Variants in SLC30A8 observed in about 807,000 individuals in gnomAD.
SLC30A8 encodes the protein solute carrier family 30 member 8.
Under a neutral mutation model 36.9 loss-of-function variants are expected in SLC30A8, and 27 were observed. That is an observed-to-expected ratio of 0.73 (90% CI 0.54 to 1.01). The LOEUF is 1.01. SLC30A8 is among the 50% of genes least tolerant of loss of function. The probability of loss-of-function intolerance (pLI) is 0.00; values close to 1 mark genes in which losing one functional copy is unlikely to be tolerated. For missense variants in SLC30A8, 439 were observed against 452.0 expected, an observed-to-expected ratio of 0.97 and a Z score of 0.26; for synonymous variants, 164 against 172.4, an observed-to-expected ratio of 0.95 and a Z score of 0.38.
chr8:117,157,788 G>C lies in SLC30A8; in HGVS notation c.516G>C (p.Gln172His). 3 of 1,614,114 alleles carry C rather than the reference G, an allele frequency of 1.9e-6. No homozygotes were observed. Among genetic ancestry groups the C allele is most frequent in the East Asian group, 2.2e-5 (1 of 44,874 alleles). Residue 172 changes from glutamine (Q) to histidine (H), a missense_variant, in exon 4 of 8, where the codon CAG becomes CAC. Transcript: ENST00000456015. ...AGCGCCTGCTGTATCCTGATTACCA[G>C]ATCCAGGCGACTGTGATGATCATCG... ...ACERLLYPDYQIQATVMIIVS... is the reference protein window; with the variant it reads ...ACERLLYPDYHIQATVMIIVS...
chr8:117,165,080 G>A (rs1822991190), intron 6 of SLC30A8, among the ~76,000 whole-genome samples: 1 of 152,200 alleles, frequency 6.6e-6, no homozygotes, highest in Admixed American at 6.5e-5. Context: ...AGCGCAAAGA[G>A]ACACATCATA....
intron 2 of SLC30A8, among the ~76,000 whole-genome samples, chr8:117,080,635 C>T (rs1818643763): frequency 6.6e-6 from 1 of 152,218 alleles, no homozygotes; most frequent in South Asian, 2.1e-4. Flanking sequence ...TGGCCTCCAG[C>T]TGCATCCATG....
At chr8:117,162,887 C>A (rs935270577) in intron 5 of SLC30A8, among the ~76,000 whole-genome samples, 2 of 152,216 alleles carry the variant, frequency 1.3e-5, no homozygotes, top group African/African-American at 4.8e-5. Flanking sequence ...CTTTGGTTCA[C>A]ACCTTTAAGA....
chr8:117,003,175 A>C (rs1039315936), intron 1 of SLC30A8, among the ~76,000 whole-genome samples: 1 of 152,228 alleles, frequency 6.6e-6, no homozygotes, highest in Non-Finnish European at 1.5e-5. Context: ...CAGTAAATGT[A>C]AAACTCAGGC....
intron 2 of SLC30A8, among the ~76,000 whole-genome samples, chr8:117,050,944 T>C (rs2130771906): frequency 6.6e-6 from 1 of 152,344 alleles, no homozygotes; most frequent in South Asian, 2.1e-4. Context: ...CCTCAGTCTC[T>C]CTTCTGCGAA....
At chr8:117,144,846 G>A (rs1011344739) in intron 1 of SLC30A8, among the ~76,000 whole-genome samples, 3 of 152,080 alleles carry the variant, frequency 2.0e-5, no homozygotes, top group Non-Finnish European at 4.4e-5. Flanking sequence ...AGTCAGCATG[G>A]CTGGGTTTTG....
chr8:117,029,389 T>TA (rs1249196806), intron 1 of SLC30A8, among the ~76,000 whole-genome samples: 1 of 152,214 alleles, frequency 6.6e-6, no homozygotes, highest in African/African-American at 2.4e-5. Context: ...TTATTTGTTT[T>TA]ATTTTAAGAG....
chr8:117,074,365 T>G (rs1010506457), intron 2 of SLC30A8, among the ~76,000 whole-genome samples: 4 of 152,172 alleles, frequency 2.6e-5, no homozygotes, highest in Non-Finnish European at 5.9e-5. Context: ...ACTCATGAAT[T>G]TGGGCAAGTT....
chr8:117,008,070 C>G (rs892149611), intron 1 of SLC30A8, among the ~76,000 whole-genome samples: 3 of 152,012 alleles, frequency 2.0e-5, no homozygotes, highest in Non-Finnish European at 4.4e-5. Flanking sequence ...GTGGCAAAAC[C>G]CATATTCTTA....
chr8:117,012,431 C>A (rs941103812), intron 1 of SLC30A8, among the ~76,000 whole-genome samples: 1 of 151,814 alleles, frequency 6.6e-6, no homozygotes, highest in Non-Finnish European at 1.5e-5. Flanking sequence ...AAAAATGTGT[C>A]CCTACTGAAC....
At position 117,059,273 on chromosome 8, in the gene SLC30A8, G is replaced by C. The variant is rs570838997; in HGVS notation, c.-226+20015G>C. On this transcript the variant is annotated intron_variant, in intron 2 of 10. Transcript: ENST00000427715. Reference sequence around the variant, plus strand: ...TTTCTTTCTCTTCATCAAAAATATAGCCAAGTCGTAGCCTGGGGAATGCAT... The same window carrying C: ...TTTCTTTCTCTTCATCAAAAATATACCCAAGTCGTAGCCTGGGGAATGCAT... 7.2e-5 allele frequency among the ~76,000 whole-genome samples: 11 copies of C among 152,260 alleles called. No individual in the cohort carries two copies. The South Asian group carries it at 2.3e-3, about 32-fold the overall frequency.
intron 1 of SLC30A8, among the ~76,000 whole-genome samples, chr8:117,004,606 G>A (rs1182409240): frequency 6.6e-6 from 1 of 151,954 alleles, no homozygotes; most frequent in Non-Finnish European, 1.5e-5. Context: ...CTACTTCATG[G>A]TATTTCATGG....
intron 1 of SLC30A8, among the ~76,000 whole-genome samples, chr8:116,980,354 G>A (rs975841602): frequency 3.9e-5 from 6 of 152,108 alleles, no homozygotes; most frequent in African/African-American, 1.4e-4. Flanking sequence ...TGGGAGGAGG[G>A]GACTGAGGTA....
intron 4 of SLC30A8, among the ~76,000 whole-genome samples, chr8:117,161,032 A>G (rs1015879788): frequency 6.6e-6 from 1 of 152,208 alleles, no homozygotes; most frequent in Admixed American, 6.5e-5. Context: ...AATTATGTAC[A>G]TAGTTTGTAG....
At chr8:117,059,875 A>G (rs73315613) in intron 2 of SLC30A8, among the ~76,000 whole-genome samples, 19,652 of 152,068 alleles carry the variant, frequency 0.13, 2,359 homozygotes, top group African/African-American at 0.32. Flanking sequence ...GGGTGAAGAC[A>G]GAGATCAATG....
chr8:116,976,100 G>C (rs960800800), intron 1 of SLC30A8, among the ~76,000 whole-genome samples: 1 of 152,034 alleles, frequency 6.6e-6, no homozygotes, highest in African/African-American at 2.4e-5. Flanking sequence ...CAGTGAAGCT[G>C]GTAAATGTTT....
intron 1 of SLC30A8, among the ~76,000 whole-genome samples, chr8:117,020,836 T>C (rs569660903): frequency 6.6e-6 from 1 of 152,318 alleles, no homozygotes; most frequent in African/African-American, 2.4e-5. Context: ...TTTATAAATA[T>C]CTGTAGATGT....
intron 2 of SLC30A8, among the ~76,000 whole-genome samples, chr8:117,072,579 G>A (rs1426231158): frequency 6.6e-6 from 1 of 151,988 alleles, no homozygotes; most frequent in African/African-American, 2.4e-5. Context: ...CTTACTTTAA[G>A]TCCTTTTTCT....
chr8:116,986,058 T>A lies in SLC30A8; in HGVS notation c.-266+34939T>A, dbSNP rs558423044. ...GAAGGAATGGGATTCTTTTGAGGGGTCATCAGTAGGAAATATCCCACCCGT... is the reference window on the plus strand; with the variant it reads ...GAAGGAATGGGATTCTTTTGAGGGGACATCAGTAGGAAATATCCCACCCGT... On this transcript the variant is annotated intron_variant, in intron 1 of 10. Transcript: ENST00000427715. Among the ~76,000 whole-genome samples the A allele has an allele frequency of 2.6e-5, 4 of 151,988 alleles. No individual in the cohort carries two copies. The South Asian group carries it at 8.3e-4, about 32-fold the overall frequency.
Sources: allele counts gnomAD v4.1 joint callset (sites outside exome capture counted in the v4.1 genomes callset), GRCh38; gene constraint gnomAD v4.1.1; transcripts MANE v1.5; gene names NCBI Gene and HGNC (gene_info 2026-07-23, HGNC 2026-07-21).